The following IGFL2 variants were observed in gnomAD, a reference collection of about 807,000 sequenced individuals.
IGFL2 encodes the protein IGF like family member 2.
In IGFL2, 7 loss-of-function variants were observed where a neutral mutation model predicts 13.9. That is an observed-to-expected ratio of 0.51 (90% CI 0.29 to 0.95). IGFL2 has a LOEUF of 0.95. IGFL2 is among the 40% of genes least tolerant of loss of function. The probability of loss-of-function intolerance (pLI) is 0.08; values close to 1 mark genes in which losing one functional copy is unlikely to be tolerated. For missense variants in IGFL2, 138 were observed against 147.8 expected (o/e 0.93, Z 0.34); for synonymous variants, 55 against 55.8 (o/e 0.99, Z 0.07).
chr19:46,155,056 G>A (rs185262571), intron 1 of IGFL2, among the ~76,000 whole-genome samples: 9 of 152,218 alleles, frequency 5.9e-5, no homozygotes, highest in African/African-American at 1.2e-4. Flanking sequence ...TCCTCTTCTC[G>A]GTTTGCCCTT....
chr19:46,165,789 G>C (rs575168049), downstream of IGFL2, among the ~76,000 whole-genome samples: 126 of 152,350 alleles, frequency 8.3e-4, 2 homozygotes, highest in Middle Eastern at 0.017. Flanking sequence ...TAGCCAATGG[G>C]CTGAGCTGTG....
At chr19:46,192,364 A>G in the IGFL2 span, among the ~76,000 whole-genome samples, 1 of 152,182 alleles carries the variant, frequency 6.6e-6, no homozygotes, top group Admixed American at 6.5e-5. Context: ...ACATTGTGGA[A>G]TTGCTTTTCT....
At chr19:46,106,295 T>C in the IGFL2 span, among the ~76,000 whole-genome samples, 1 of 152,120 alleles carries the variant, frequency 6.6e-6, no homozygotes, top group South Asian at 2.1e-4. Context: ...TTGGGAAGAC[T>C]TGTAGGGTGG....
chr19:46,123,837 C>T, the IGFL2 span: 6 of 1,551,936 alleles, frequency 3.9e-6, no homozygotes, highest in East Asian at 4.6e-5. Flanking sequence ...CTCTGTATCC[C>T]TCATCCCTCC....
chr19:46,084,525 A>C, the IGFL2 span, among the ~76,000 whole-genome samples: 5 of 152,172 alleles, frequency 3.3e-5, no homozygotes, highest in Non-Finnish European at 5.9e-5. Flanking sequence ...GATAATTTAT[A>C]TAAAAAAAGA....
downstream of IGFL2, among the ~76,000 whole-genome samples, chr19:46,162,298 C>T (rs887328106): frequency 2.6e-5 from 4 of 152,036 alleles, no homozygotes; most frequent in African/African-American, 7.2e-5. Flanking sequence ...TAGAATCTTG[C>T]AAGAGTTCTC....
the IGFL2 span, among the ~76,000 whole-genome samples, chr19:46,171,788 C>G: frequency 6.6e-6 from 1 of 152,060 alleles, no homozygotes; most frequent in African/African-American, 2.4e-5. Flanking sequence ...GTTGAATGGC[C>G]TAGATGGAGG....
At chr19:46,125,179 G>A in the IGFL2 span, among the ~76,000 whole-genome samples, 1 of 152,128 alleles carries the variant, frequency 6.6e-6, no homozygotes, top group Non-Finnish European at 1.5e-5. Flanking sequence ...AGTCATTAGA[G>A]TTGCCACCTG....
At chr19:46,176,431 T>A in the IGFL2 span, among the ~76,000 whole-genome samples, 1 of 152,148 alleles carries the variant, frequency 6.6e-6, no homozygotes, top group Non-Finnish European at 1.5e-5. Context: ...TGCTCTAGGA[T>A]GCAGGAAAAC....
the IGFL2 span, among the ~76,000 whole-genome samples, chr19:46,201,166 T>A: frequency 1.3e-5 from 2 of 152,142 alleles, no homozygotes; most frequent in African/African-American, 2.4e-5. Flanking sequence ...CCCTCGTGAT[T>A]GCACCATTAC....
At chr19:46,169,120 T>A in the IGFL2 span, among the ~76,000 whole-genome samples, 1 of 152,136 alleles carries the variant, frequency 6.6e-6, no homozygotes. Flanking sequence ...GGCTGAAAGA[T>A]CACTTGAGCC....
At chr19:46,176,009 ATTTTTTT>A in the IGFL2 span, among the ~76,000 whole-genome samples, 40 of 71,904 alleles carry the variant, frequency 5.6e-4, no homozygotes, top group East Asian at 1.7e-3. Context: ...CGCCCGACTA[ATTTTTTT>A]TTTTTTTTTT....
At chr19:46,120,483 T>A in the IGFL2 span, 2 of 1,361,284 alleles carry the variant, frequency 1.5e-6, no homozygotes, top group Non-Finnish European at 2.0e-6. Context: ...GATGTGTAGA[T>A]ATCAACAGAA....
chr19:46,100,447 T>C, the IGFL2 span, among the ~76,000 whole-genome samples: 1 of 152,108 alleles, frequency 6.6e-6, no homozygotes, highest in Non-Finnish European at 1.5e-5. Flanking sequence ...AAGTATACAG[T>C]TTTCATGCAA....
At chr19:46,126,268 T>C in the IGFL2 span, among the ~76,000 whole-genome samples, 858 of 152,314 alleles carry the variant, frequency 5.6e-3, 9 homozygotes, top group African/African-American at 0.02. Flanking sequence ...CTCCTGTGAA[T>C]CATCTTTCAA....
the IGFL2 span, among the ~76,000 whole-genome samples, chr19:46,178,133 C>G: frequency 6.6e-6 from 1 of 152,044 alleles, no homozygotes; most frequent in Non-Finnish European, 1.5e-5. Flanking sequence ...AAAAATTAGT[C>G]GGGCATGGTG....
chr19:46,199,997 C>CT, the IGFL2 span, among the ~76,000 whole-genome samples: 4 of 152,098 alleles, frequency 2.6e-5, no homozygotes, highest in Admixed American at 2.6e-4. Context: ...CTGCCTCAGC[C>CT]TCCCGAGTAG....
chr19:46,112,042 T>C, the IGFL2 span: 1 of 152,262 alleles, frequency 6.6e-6, no homozygotes, highest in Non-Finnish European at 1.5e-5. Context: ...GAATAGACTC[T>C]ACGACTTTCA....
At chr19:46,146,621 A>G (rs573169797), upstream of IGFL2, among the ~76,000 whole-genome samples, 1 of 152,314 alleles carries the variant, frequency 6.6e-6, no homozygotes, top group South Asian at 2.1e-4. Flanking sequence ...GTTTCCTTGA[A>G]TACTTTAATC....
Sources: gnomAD v4.1 joint callset for allele counts (sites outside exome capture counted in the v4.1 genomes callset) on GRCh38, gnomAD v4.1.1 for gene constraint, MANE v1.5 for transcripts, NCBI Gene and HGNC (gene_info 2026-07-23, HGNC 2026-07-21) for gene names.